The following KCNJ3 variants were observed in gnomAD, a reference collection of about 807,000 sequenced individuals.
KCNJ3 encodes potassium inwardly rectifying channel subfamily J member 3.
Under a neutral mutation model 39.2 loss-of-function variants are expected in KCNJ3, and 4 were observed. That is an observed-to-expected ratio of 0.10 (90% CI 0.05 to 0.23). The LOEUF (loss-of-function observed/expected upper bound fraction) is 0.23. Ranked by LOEUF, KCNJ3 falls within the 10% of genes least tolerant of loss-of-function variation. KCNJ3 has a pLI of 1.00. For missense variants in KCNJ3, 276 were observed against 634.9 expected, an observed-to-expected ratio of 0.43 and a Z score of 6.08; for synonymous variants, 230 against 237.4, an observed-to-expected ratio of 0.97 and a Z score of 0.29.
At position 154,778,838 on chromosome 2, in the gene KCNJ3, A is replaced by G. The variant is rs965116273; in HGVS notation, c.919+69019A>G. 1.4e-4 allele frequency among the ~76,000 whole-genome samples: 22 copies of G among 152,126 alleles called. No homozygotes were observed. The Middle Eastern group carries it at 0.01, about 71-fold the overall frequency. On this transcript the variant is annotated intron_variant, in intron 2 of 2. Transcript: ENST00000295101. ...CTGAAATATTTTTTCCCTCAGGTCT[A>G]TGGGGATGTAGAAAAACTTAAGAGT...
Position 154,698,734 on chromosome 2 carries a change from C to T in KCNJ3, c.-42C>T, listed in dbSNP as rs1350659492. 7.1e-6 allele frequency: 9 copies of T among 1,261,702 alleles called. No individual in the cohort carries two copies. The highest frequency in any genetic ancestry group is 1.2e-5 in the South Asian group (1 of 81,620). The allele number at this position is 1,261,702 out of a possible 1,614,324, so 78.2% of individuals were successfully genotyped here. ...GCTAGTTTGCAGCGCCCAGCTCCTG[C>T]GCCTTCGCTTCGCGTTTGAATCTGG... is the stretch of plus-strand genomic sequence containing the variant. On this transcript the variant is annotated 5_prime_UTR_variant, in exon 1 of 3. Coordinates refer to ENST00000295101, the MANE Select transcript of KCNJ3 (RefSeq NM_002239.4).
chr2:154,699,245 A>T lies in KCNJ3; in HGVS notation c.470A>T (p.Glu157Val). Reference sequence around the variant, plus strand: ...CGATACATCACAGACAAGTGCCCCGAGGGCATCATCCTCTTCCTCTTCCAG... The same window carrying T: ...CGATACATCACAGACAAGTGCCCCGTGGGCATCATCCTCTTCCTCTTCCAG... Reference protein sequence around the residue: ...GYRYITDKCPEGIILFLFQSI... With the variant: ...GYRYITDKCPVGIILFLFQSI... Residue 157 changes from glutamate to valine, a missense_variant, in exon 1 of 3, where the codon GAG becomes GTG. By Grantham distance (121) the Glu-to-Val change is moderately radical (BLOSUM62 -2). This residue lies in a region of KCNJ3 where 46 missense variants were observed against 206.6 expected (regional missense o/e 0.22). Coordinates refer to ENST00000295101, the MANE Select transcript of KCNJ3 (RefSeq NM_002239.4). This position sits in a 1 kb window ranked among gnomAD's most constrained non-coding sequence, Gnocchi z 6.4. The T allele has an allele frequency of 6.2e-7, 1 of 1,614,088 alleles. No individual in the cohort carries two copies. Among genetic ancestry groups the T allele is most frequent in the Non-Finnish European group, 8.5e-7 (1 of 1,180,038 alleles).
intron 2 of KCNJ3, among the ~76,000 whole-genome samples, chr2:154,722,144 C>CTTTTT: frequency 6.9e-6 from 1 of 145,074 alleles, no homozygotes. Flanking sequence ...TTTTTTTTTG[C>CTTTTT]AGCAAATACA....
intron 1 of KCNJ3, among the ~76,000 whole-genome samples, chr2:154,703,341 G>A (rs530496673): frequency 9.9e-5 from 15 of 152,066 alleles, no homozygotes; most frequent in African/African-American, 3.4e-4. Context: ...TTGCCAATAG[G>A]CATCCTCTTT....
intron 2 of KCNJ3, among the ~76,000 whole-genome samples, chr2:154,797,411 T>G (rs1686737779): frequency 6.6e-6 from 1 of 152,132 alleles, no homozygotes; most frequent in South Asian, 2.1e-4. Context: ...TTTAAAATAT[T>G]TAATAAACCA....
chr2:154,709,912 T>C (rs1685073745), intron 2 of KCNJ3, 93 bp downstream of exon 2: 3 of 1,393,070 alleles, frequency 2.2e-6, no homozygotes, highest in Non-Finnish European at 1.9e-6. Context: ...GCGAAATGAC[T>C]CAGAGTTTAC....
At chr2:154,731,498 G>A (rs987143119) in intron 2 of KCNJ3, among the ~76,000 whole-genome samples, 6 of 151,778 alleles carry the variant, frequency 4.0e-5, no homozygotes, top group African/African-American at 1.5e-4. Flanking sequence ...TTTCTGAAAT[G>A]TACAAGTTAT....
At chr2:154,795,292 T>A (rs1686702884) in intron 2 of KCNJ3, among the ~76,000 whole-genome samples, 1 of 152,014 alleles carries the variant, frequency 6.6e-6, no homozygotes, top group Non-Finnish European at 1.5e-5. Flanking sequence ...AATAAACAAT[T>A]TTGATTGAAA....
At chr2:154,780,374 T>G (rs1176454516) in intron 2 of KCNJ3, among the ~76,000 whole-genome samples, 1 of 152,170 alleles carries the variant, frequency 6.6e-6, no homozygotes, top group Non-Finnish European at 1.5e-5. Context: ...TAAGTTTATC[T>G]TATAGGTGAT....
At chr2:154,802,888 C>T (rs2105217757) in intron 2 of KCNJ3, among the ~76,000 whole-genome samples, 1 of 151,748 alleles carries the variant, frequency 6.6e-6, no homozygotes, top group East Asian at 1.9e-4. Flanking sequence ...GGAGGAATTG[C>T]CTGTATGGAT....
At position 154,839,707 on chromosome 2, in the gene KCNJ3, T is replaced by G. The variant is rs1426560214; in HGVS notation, c.920-15020T>G. Among the ~76,000 whole-genome samples the G allele has an allele frequency of 3.3e-5, 5 of 152,244 alleles. No homozygotes were observed. The South Asian group carries it at 6.2e-4, about 19-fold the overall frequency. ...CAGTGATGATGAGCATTTTTTCATA[T>G]GTTTGTTGGCCATATAAATGTCTTC... On this transcript the variant is annotated intron_variant, in intron 2 of 2. Coordinates refer to ENST00000295101, the MANE Select transcript of KCNJ3 (RefSeq NM_002239.4).
chr2:154,819,701 T>G (rs1310191994), intron 2 of KCNJ3, among the ~76,000 whole-genome samples: 1 of 151,918 alleles, frequency 6.6e-6, no homozygotes, highest in Non-Finnish European at 1.5e-5. Context: ...CAGCTAATTT[T>G]TGTATTTTTA....
chr2:154,804,272 A>G (rs973297880), intron 2 of KCNJ3, among the ~76,000 whole-genome samples: 7 of 152,164 alleles, frequency 4.6e-5, no homozygotes, highest in African/African-American at 1.7e-4. Context: ...GTGCAGGTGT[A>G]CAAAATGTCT....
At chr2:154,758,860 C>A (rs1349443831) in intron 2 of KCNJ3, among the ~76,000 whole-genome samples, 1 of 152,106 alleles carries the variant, frequency 6.6e-6, no homozygotes. Flanking sequence ...AGTTGAGAAC[C>A]CACTTTTAAG....
chr2:154,725,365 T>A (rs1685336214), intron 2 of KCNJ3, among the ~76,000 whole-genome samples: 1 of 151,982 alleles, frequency 6.6e-6, no homozygotes, highest in South Asian at 2.1e-4. Context: ...AGTTTGCTTT[T>A]TTTTTTTGAA....
intron 2 of KCNJ3, among the ~76,000 whole-genome samples, chr2:154,746,871 A>G (rs995991042): frequency 2.0e-5 from 3 of 151,808 alleles, no homozygotes; most frequent in Admixed American, 6.6e-5. Context: ...TTACATCATA[A>G]TAATATGGAC....
At chr2:154,782,542 A>ACT (rs66973800) in intron 2 of KCNJ3, among the ~76,000 whole-genome samples, 3 of 13,870 alleles carry the variant, frequency 2.2e-4, no homozygotes, top group Non-Finnish European at 5.8e-4. Flanking sequence ...ACACACACAT[A>ACT]CACGCAGGCT....
intron 2 of KCNJ3, among the ~76,000 whole-genome samples, chr2:154,778,672 T>A (rs1686380192): frequency 6.6e-6 from 1 of 152,188 alleles, no homozygotes; most frequent in African/African-American, 2.4e-5. Flanking sequence ...TTTATTTAAT[T>A]ATTATTGATG....
At chr2:154,847,106 CT>C (rs1687675967) in intron 2 of KCNJ3, among the ~76,000 whole-genome samples, 1 of 152,100 alleles carries the variant, frequency 6.6e-6, no homozygotes, top group South Asian at 2.1e-4. Flanking sequence ...TTTTTGAAAA[CT>C]TCAGTTTCTG....
Sources: allele counts gnomAD v4.1 joint callset (sites outside exome capture counted in the v4.1 genomes callset), GRCh38; gene constraint gnomAD v4.1.1; regional missense constraint gnomAD v4.1.1; non-coding constraint Gnocchi (gnomAD v3.1); transcripts MANE v1.5; gene names NCBI Gene and HGNC (gene_info 2026-07-23, HGNC 2026-07-21).